Variants in PTPRD observed in about 807,000 individuals in gnomAD.
PTPRD encodes the protein protein tyrosine phosphatase receptor type D, also known as receptor-type tyrosine-protein phosphatase delta.
PTPRD carries 34 observed loss-of-function variants against 214.5 expected under a neutral mutation model. That is an observed-to-expected ratio of 0.16 (90% CI 0.12 to 0.21). PTPRD has a LOEUF of 0.21. Among genes scored for constraint, PTPRD ranks in the 10% least tolerant of loss-of-function variants. PTPRD has a pLI of 1.00. For synonymous variants in PTPRD, 1,128 were observed against 845.7 expected, an observed-to-expected ratio of 1.33 and a Z score of -5.79; for missense variants, 2,545 against 2,398.7, an observed-to-expected ratio of 1.06 and a Z score of -1.27.
rs1290086100 is a variant in PTPRD, at chr9:8,326,016, CAG to C, written c.5534+5564_5534+5565del. Reference sequence around the variant, plus strand: ...AATATACAATGTTGTCATGTGCAAACAGAGACAATTTGACTTCCACTTTTTCT... The same window carrying C: ...AATATACAATGTTGTCATGTGCAAACAGACAATTTGACTTCCACTTTTTCT... On this transcript the variant is annotated intron_variant, in intron 44 of 45. Coordinates refer to ENST00000381196, the MANE Select transcript of PTPRD (RefSeq NM_002839.4). Among the ~76,000 whole-genome samples, 3 of 152,298 alleles carry C rather than the reference CAG, an allele frequency of 2.0e-5. No homozygotes were observed. In the South Asian group the frequency reaches 6.2e-4, roughly 32 times the overall value.
In PTPRD at chr9:9,021,549, T is replaced by G. The variant is rs184434122; in HGVS notation, c.-142-2814A>C. Among the ~76,000 whole-genome samples, 53 of 151,598 alleles carry G rather than the reference T, an allele frequency of 3.5e-4. 1 individual carries two copies. The East Asian group carries it at 8.5e-3, about 24-fold the overall frequency. On this transcript the variant is annotated intron_variant, in intron 10 of 45. Transcript: ENST00000381196. Reference sequence around the variant, plus strand: ...TATTTTAGAGTGTACTCTTTCTACTTAAAAAAAATGTTAACTACAGAATGG... The same window carrying G: ...TATTTTAGAGTGTACTCTTTCTACTGAAAAAAAATGTTAACTACAGAATGG...
chr9:9,565,660 T>C (rs1205833162), intron 8 of PTPRD, among the ~76,000 whole-genome samples: 4 of 151,992 alleles, frequency 2.6e-5, no homozygotes, highest in Non-Finnish European at 1.5e-5. Flanking sequence ...GTACCTTTAT[T>C]TTTTAAATCA....
chr9:9,988,717 G>C (rs2095805448), intron 4 of PTPRD, among the ~76,000 whole-genome samples: 3 of 151,950 alleles, frequency 2.0e-5, no homozygotes, highest in Admixed American at 1.3e-4. Context: ...TCTAGGTATA[G>C]TAGAGCTCAG....
chr9:10,169,141 G>C (rs144536097), intron 3 of PTPRD, among the ~76,000 whole-genome samples: 3 of 152,228 alleles, frequency 2.0e-5, no homozygotes, highest in East Asian at 3.9e-4. Flanking sequence ...CCCCATTAAT[G>C]TATTGATGTC....
At chr9:8,384,553 G>C (rs1057088409) in intron 37 of PTPRD, among the ~76,000 whole-genome samples, 1 of 152,122 alleles carries the variant, frequency 6.6e-6, no homozygotes, top group African/African-American at 2.4e-5. Context: ...TTGAGATGGA[G>C]TTTCACTCTT....
intron 12 of PTPRD, among the ~76,000 whole-genome samples, chr9:8,697,042 A>G (rs372572593): frequency 4.6e-5 from 7 of 152,358 alleles, no homozygotes; most frequent in African/African-American, 1.7e-4. Flanking sequence ...GTTTCTGCCT[A>G]GAAGAATCCT....
chr9:8,530,223 A>G (rs563091804), intron 14 of PTPRD, among the ~76,000 whole-genome samples: 10 of 152,110 alleles, frequency 6.6e-5, no homozygotes, highest in African/African-American at 2.2e-4. Context: ...CTCTCCCTCT[A>G]GAGCCGAGGG....
intron 2 of PTPRD, among the ~76,000 whole-genome samples, chr9:10,341,507 G>C (rs913810214): frequency 1.3e-5 from 2 of 151,894 alleles, no homozygotes; most frequent in African/African-American, 4.8e-5. Flanking sequence ...ATAATATTGG[G>C]TGCAAAATTC....
chr9:8,343,946 T>C (rs981117293), intron 39 of PTPRD, among the ~76,000 whole-genome samples: 1 of 151,992 alleles, frequency 6.6e-6, no homozygotes, highest in Admixed American at 6.6e-5. Context: ...ATGTAAGGAG[T>C]ACCCGAGGAC....
chr9:9,960,361 A>T (rs2094275289), intron 4 of PTPRD, among the ~76,000 whole-genome samples: 1 of 152,152 alleles, frequency 6.6e-6, no homozygotes, highest in African/African-American at 2.4e-5. Flanking sequence ...AATTCTAAAT[A>T]ATGTATGTAG....
In PTPRD at chr9:10,546,559, G is replaced by A. The variant is rs148461514; in HGVS notation, c.-600+65839C>T. Among the ~76,000 whole-genome samples, 1,457 of 151,800 alleles carry A rather than the reference G, an allele frequency of 9.6e-3. 10 individuals are homozygous for A. Among genetic ancestry groups the A allele is most frequent in the Non-Finnish European group, 0.016 (1,069 of 67,916 alleles). On this transcript the variant is annotated intron_variant, in intron 2 of 45. Coordinates refer to ENST00000381196, the MANE Select transcript of PTPRD (RefSeq NM_002839.4). Reference sequence around the variant, plus strand: ...TCAGGGTCTATTAGTTAAAAGTGAGGAAAGAACAAATATTGTATAAACAAT... The same window carrying A: ...TCAGGGTCTATTAGTTAAAAGTGAGAAAAGAACAAATATTGTATAAACAAT...
At chr9:10,466,903 C>A (rs2098998353) in intron 2 of PTPRD, among the ~76,000 whole-genome samples, 1 of 152,122 alleles carries the variant, frequency 6.6e-6, no homozygotes, top group African/African-American at 2.4e-5. Flanking sequence ...GACTACAAAA[C>A]TTGCCACCAA....
At chr9:9,786,929 G>A (rs1052860887) in intron 5 of PTPRD, among the ~76,000 whole-genome samples, 1 of 151,976 alleles carries the variant, frequency 6.6e-6, no homozygotes, top group Non-Finnish European at 1.5e-5. Context: ...TGGATCAGGA[G>A]TTTTGAGACC....
At chr9:8,435,735 G>A (rs1477272877) in intron 35 of PTPRD, among the ~76,000 whole-genome samples, 9 of 147,608 alleles carry the variant, frequency 6.1e-5, no homozygotes, top group East Asian at 2.0e-4. Flanking sequence ...ACACACGCAC[G>A]CACGTGCATA....
intron 2 of PTPRD, among the ~76,000 whole-genome samples, chr9:10,596,183 T>C (rs758073199): frequency 6.6e-6 from 1 of 151,786 alleles, no homozygotes; most frequent in Non-Finnish European, 1.5e-5. Flanking sequence ...TGTCTCACGT[T>C]CAGTAATCCA....
At chr9:8,965,645 G>GT (rs947887205) in intron 11 of PTPRD, among the ~76,000 whole-genome samples, 24 of 151,782 alleles carry the variant, frequency 1.6e-4, no homozygotes, top group African/African-American at 5.6e-4. Flanking sequence ...CCTTAAAATC[G>GT]TAAGTGTCAT....
At chr9:8,927,116 T>TA (rs921800197) in intron 11 of PTPRD, among the ~76,000 whole-genome samples, 18 of 151,912 alleles carry the variant, frequency 1.2e-4, no homozygotes, top group African/African-American at 2.9e-4. Context: ...CTTAAGAACA[T>TA]AAAAAAAAGG....
At chr9:9,124,654 G>A (rs898420783) in intron 10 of PTPRD, among the ~76,000 whole-genome samples, 18 of 152,130 alleles carry the variant, frequency 1.2e-4, no homozygotes, top group Non-Finnish European at 2.4e-4. Flanking sequence ...GGTGAGTTCA[G>A]ACCTGGTGGC....
chr9:8,429,461 A>G (rs951029895), intron 35 of PTPRD, among the ~76,000 whole-genome samples: 6 of 152,190 alleles, frequency 3.9e-5, no homozygotes, highest in Admixed American at 3.9e-4. Context: ...TATACGTCTC[A>G]ACACTGTCTT....
Sources: gnomAD v4.1 joint callset for allele counts (sites outside exome capture counted in the v4.1 genomes callset) on GRCh38, gnomAD v4.1.1 for gene constraint, MANE v1.5 for transcripts, NCBI Gene and HGNC (gene_info 2026-07-23, HGNC 2026-07-21) for gene names.